The following CCDC3 variants were observed in gnomAD, a reference collection of about 807,000 sequenced individuals.
CCDC3 encodes the protein coiled-coil domain-containing protein 3.
A neutral mutation model predicts 21.4 loss-of-function variants in CCDC3; 24 were observed. That is an observed-to-expected ratio of 1.12 (90% CI 0.81 to 1.58). CCDC3 has a LOEUF of 1.58. Ranked by LOEUF, CCDC3 falls within the 40% of genes most tolerant of loss-of-function variation. CCDC3 has a pLI of 0.00. For missense variants in CCDC3, 425 were observed against 360.9 expected, an observed-to-expected ratio of 1.18 and a Z score of -1.44; for synonymous variants, 186 against 166.0, an observed-to-expected ratio of 1.12 and a Z score of -0.93.
At position 13,001,286 on chromosome 10, in the gene CCDC3, G is replaced by A. The variant is rs557417775; in HGVS notation, c.285C>T (p.Ala95=). ...GGCCGGTGAGGTTGAGCCTGGAGCC[G>A]GCGGGCACCTCCAGCATGCTGCCCC... ...QAWGSMLEVP[A]GSRLNLTGLG... The change falls in exon 1 of 3, where the codon GCC becomes GCT. Residue 95 remains alanine, a synonymous_variant. Transcript: ENST00000378825. The A allele has an allele frequency of 1.9e-6, 3 of 1,604,758 alleles. No homozygotes were observed. Among genetic ancestry groups the A allele is most frequent in the African/African-American group, 2.7e-5 (2 of 74,990 alleles).
intron 2 of CCDC3, among the ~76,000 whole-genome samples, chr10:12,942,131 A>G (rs1160970701): frequency 6.6e-6 from 1 of 152,158 alleles, no homozygotes; most frequent in Admixed American, 6.5e-5. Flanking sequence ...TTTGACATGG[A>G]AATTTTAAGG....
At chr10:13,006,328 A>C (rs778931742), upstream of CCDC3, among the ~76,000 whole-genome samples, 1 of 152,232 alleles carries the variant, frequency 6.6e-6, no homozygotes, top group African/African-American at 2.4e-5. Context: ...GCTGGGAGAC[A>C]TATCAATTTG....
At chr10:12,973,368 C>T (rs933829224) in intron 2 of CCDC3, among the ~76,000 whole-genome samples, 2 of 152,036 alleles carry the variant, frequency 1.3e-5, no homozygotes, top group Middle Eastern at 3.2e-3. Context: ...GGGGAGGAGG[C>T]TCTCCAGAGA....
intron 5 of CCDC3, among the ~76,000 whole-genome samples, chr10:13,032,724 G>C (rs1317237209): frequency 3.9e-5 from 6 of 152,120 alleles, no homozygotes; most frequent in African/African-American, 1.4e-4. Flanking sequence ...CAAATCATGA[G>C]TCAACTCCCA....
chr10:13,032,609 A>C (rs1488102432), intron 5 of CCDC3, among the ~76,000 whole-genome samples: 1 of 152,188 alleles, frequency 6.6e-6, no homozygotes, highest in Non-Finnish European at 1.5e-5. Context: ...CTCAGCCCAA[A>C]ATCTCCTTAA....
At chr10:13,025,047 C>T (rs2131407354) in intron 5 of CCDC3, among the ~76,000 whole-genome samples, 1 of 152,302 alleles carries the variant, frequency 6.6e-6, no homozygotes, top group East Asian at 1.9e-4. Flanking sequence ...AACAAACCAT[C>T]CCCAAATTTG....
chr10:12,934,070 A>T (rs1362292996), intron 2 of CCDC3, among the ~76,000 whole-genome samples: 1 of 152,178 alleles, frequency 6.6e-6, no homozygotes, highest in African/African-American at 2.4e-5. Flanking sequence ...TAATATATGC[A>T]TTTCATGCTA....
At chr10:12,954,220 C>T (rs992508010) in intron 2 of CCDC3, among the ~76,000 whole-genome samples, 1 of 152,158 alleles carries the variant, frequency 6.6e-6, no homozygotes, top group Non-Finnish European at 1.5e-5. Context: ...GTCTACAAGT[C>T]ACTCAGAAAA....
chr10:12,956,227 GAA>G (rs1201026184), intron 2 of CCDC3, among the ~76,000 whole-genome samples: 2 of 152,330 alleles, frequency 1.3e-5, no homozygotes, highest in South Asian at 2.1e-4. Context: ...AAGAAGAAAT[GAA>G]AAGTTTCTTA....
chr10:12,976,591 T>A (rs1835420976), intron 2 of CCDC3, among the ~76,000 whole-genome samples: 1 of 152,216 alleles, frequency 6.6e-6, no homozygotes, highest in African/African-American at 2.4e-5. Flanking sequence ...GAACCTACTT[T>A]CACACACGGT....
At chr10:12,965,912 T>C (rs1002607899) in intron 2 of CCDC3, among the ~76,000 whole-genome samples, 7 of 152,196 alleles carry the variant, frequency 4.6e-5, no homozygotes, top group Admixed American at 3.3e-4. Flanking sequence ...ACAGTTCACA[T>C]TGGATGATAA....
chr10:12,908,697 A>G (rs374888189), intron 2 of CCDC3, among the ~76,000 whole-genome samples: 1 of 149,836 alleles, frequency 6.7e-6, no homozygotes, highest in African/African-American at 2.5e-5. Context: ...GGTTCAAGCA[A>G]TTCTCCTGCC....
chr10:12,899,142 A>C (rs1354930365), intron 2 of CCDC3, among the ~76,000 whole-genome samples: 1 of 152,114 alleles, frequency 6.6e-6, no homozygotes, highest in Admixed American at 6.6e-5. Flanking sequence ...GGTTCCCTTC[A>C]GCAAAAACAG....
chr10:13,060,175 A>T (rs1836737646), intron 4 of CCDC3, among the ~76,000 whole-genome samples: 1 of 151,922 alleles, frequency 6.6e-6, no homozygotes, highest in African/African-American at 2.4e-5. Context: ...AAAACAAACA[A>T]ATCTCATAGT....
chr10:12,946,380 G>T (rs1426705940), intron 2 of CCDC3, among the ~76,000 whole-genome samples: 5 of 152,208 alleles, frequency 3.3e-5, no homozygotes, highest in Admixed American at 3.3e-4. Context: ...ATAACAAACT[G>T]CACCTTAATT....
intron 2 of CCDC3, among the ~76,000 whole-genome samples, chr10:12,969,358 G>A (rs1034767996): frequency 3.9e-5 from 6 of 152,100 alleles, no homozygotes; most frequent in African/African-American, 1.2e-4. Context: ...TGGTGGGAAT[G>A]TAAATTAGTA....
chr10:13,066,781 G>T (rs1050038240), intron 4 of CCDC3, among the ~76,000 whole-genome samples: 1 of 152,184 alleles, frequency 6.6e-6, no homozygotes, highest in Non-Finnish European at 1.5e-5. Flanking sequence ...GAGGAGCCTG[G>T]CTCTTCAGTT....
At chr10:13,018,225 C>A (rs1836095032) in intron 5 of CCDC3, among the ~76,000 whole-genome samples, 2 of 152,004 alleles carry the variant, frequency 1.3e-5, no homozygotes, top group Admixed American at 1.3e-4. Flanking sequence ...GAAGTGAAGT[C>A]TCTGGGGACG....
In CCDC3 at chr10:12,900,690, CA is replaced by C. The variant is rs547349413; in HGVS notation, c.550-2012del. On this transcript the variant is annotated intron_variant, in intron 2 of 2. Coordinates refer to ENST00000378825, the MANE Select transcript of CCDC3 (RefSeq NM_031455.4). ...TGGGTGACAAAGAGACACTCCATCTCAAAAAAAAAAAAAAAAAAACAAACTC... is the reference window on the plus strand; with the variant it reads ...TGGGTGACAAAGAGACACTCCATCTCAAAAAAAAAAAAAAAAAACAAACTC... 4.5e-3 allele frequency among the ~76,000 whole-genome samples: 284 copies of C among 63,452 alleles called. 3 individuals are homozygous for C. The East Asian group carries it at 0.056, about 13-fold the overall frequency. 41.6% of individuals were successfully genotyped at this position (63,452 alleles called of 152,430 possible). A position where few individuals can be genotyped will look rare whatever the true frequency, so the allele number is the denominator to read the frequency against.
Sources: gnomAD v4.1 joint callset for allele counts (sites outside exome capture counted in the v4.1 genomes callset) on GRCh38, gnomAD v4.1.1 for gene constraint, MANE v1.5 for transcripts, NCBI Gene and HGNC (gene_info 2026-07-23, HGNC 2026-07-21) for gene names.